The following ALG1 variants were observed in gnomAD, a reference collection of about 807,000 sequenced individuals.
ALG1 encodes ALG1 chitobiosyldiphosphodolichol beta-mannosyltransferase, also known as chitobiosyldiphosphodolichol beta-mannosyltransferase.
Under a neutral mutation model 55.1 loss-of-function variants are expected in ALG1, and 58 were observed. The ratio of observed to expected loss-of-function variants is 1.05; its 90% CI spans 0.85 to 1.31. The LOEUF (loss-of-function observed/expected upper bound fraction) is 1.31. ALG1 is among the 50% of genes most tolerant of loss of function. The pLI is 0.00. For missense variants in ALG1, 761 were observed against 598.6 expected (o/e 1.27, Z -2.83); for synonymous variants, 309 against 247.0 (o/e 1.25, Z -2.35).
Position 5,085,096 on chromosome 16 carries a change from C to T in ALG1, c.*215C>T, listed in dbSNP as rs1323954730. ...CTGGAGGCTTGGAAACGCTTCCTCT[C>T]TTCTTCTGTTCTTCACGCCCCATGC... On this transcript the variant is annotated 3_prime_UTR_variant, in exon 13 of 13. Coordinates refer to ENST00000262374, the MANE Select transcript of ALG1 (RefSeq NM_019109.5). 4 of 831,946 alleles carry T rather than the reference C, an allele frequency of 4.8e-6. No homozygotes were observed. Among genetic ancestry groups the T allele is most frequent in the Non-Finnish European group, 7.4e-6 (4 of 538,614 alleles). 51.5% of individuals were successfully genotyped at this position (831,946 alleles called of 1,614,324 possible).
intron 4 of ALG1, 40 bp downstream of exon 4, chr16:5,075,576 C>A: frequency 6.2e-7 from 1 of 1,611,890 alleles, no homozygotes; most frequent in Non-Finnish European, 8.5e-7. Context: ...GTCCCCTAAA[C>A]CACTCAAGGA....
chr16:5,081,191 T>C, intron 10 of ALG1, 135 bp downstream of exon 10: 1 of 1,123,842 alleles, frequency 8.9e-7, no homozygotes, highest in South Asian at 1.6e-5. Flanking sequence ...AGGAGGAGGC[T>C]ACTTCCTGGT....
intron 5 of ALG1, 47 bp downstream of exon 5, chr16:5,077,581 CT>C (rs1956936924): frequency 1.3e-6 from 2 of 1,574,436 alleles, no homozygotes; most frequent in Non-Finnish European, 8.7e-7. Context: ...CGCGGGGCCC[CT>C]GATTGGCTGC....
chr16:5,080,872 G>T, intron 9 of ALG1, 74 bp from the exon 10 acceptor site: 1 of 1,554,652 alleles, frequency 6.4e-7, no homozygotes, highest in Non-Finnish European at 8.8e-7. Flanking sequence ...TCCTAGGGGG[G>T]AGTGTCTTGG....
intron 10 of ALG1, among the ~76,000 whole-genome samples, chr16:5,082,191 C>T (rs376298825): frequency 5.3e-5 from 8 of 151,912 alleles, no homozygotes; most frequent in African/African-American, 1.9e-4. Flanking sequence ...GTGATCTGCC[C>T]GCCTTGGCCT....
chr16:5,073,504 T>A, intron 3 of ALG1: 1 of 556,110 alleles, frequency 1.8e-6, no homozygotes, highest in Non-Finnish European at 3.2e-6. Context: ...CATTTAGTCC[T>A]CACAGTTACC....
intron 10 of ALG1, 135 bp from the exon 11 acceptor site, chr16:5,082,424 G>A: frequency 3.2e-6 from 3 of 928,878 alleles, no homozygotes; most frequent in Non-Finnish European, 5.1e-6. Flanking sequence ...GCCAGCTTAA[G>A]CCACTTGTGT....
In ALG1 at chr16:5,087,247, T is replaced by C. The variant is rs188021034; in HGVS notation, c.*2366T>C. On this transcript the variant is annotated 3_prime_UTR_variant, in exon 13 of 13. Coordinates refer to ENST00000262374, the MANE Select transcript of ALG1 (RefSeq NM_019109.5). ...AAAAAATCACAAAAAAACCTCGTACTGTTTGAAGAAAGTTTACAGATTTGC... is the reference window on the plus strand; with the variant it reads ...AAAAAATCACAAAAAAACCTCGTACCGTTTGAAGAAAGTTTACAGATTTGC... 2 of 152,356 alleles carry C rather than the reference T, an allele frequency of 1.3e-5. No homozygotes were observed. The highest frequency in any genetic ancestry group is 4.8e-5 in the African/African-American group (2 of 41,580). The allele number at this position is 152,356 out of a possible 1,614,324, so 9.4% of individuals were successfully genotyped here.
rs200353530 is a variant in ALG1, at chr16:5,083,728, G to C, written c.1234G>C (p.Asp412His). The C allele has an allele frequency of 6.3e-7, 1 of 1,598,324 alleles. No individual in the cohort carries two copies. The highest frequency in any genetic ancestry group is 8.5e-7 in the Non-Finnish European group (1 of 1,179,784). The change falls in exon 12 of 13, where the codon GAC becomes CAC. Residue 412 changes from aspartate (D) to histidine (H), a missense_variant. Physicochemically the swap from Asp to His is moderately conservative, Grantham distance 81. Coordinates refer to ENST00000262374, the MANE Select transcript of ALG1 (RefSeq NM_019109.5). ...TGAAGAAAATGGCCTGGTCTTTGAG[G>C]ACTCAGAGGAACTGGCAGCTCAGCT... ...KHEENGLVFE[D>H]SEELAAQLQM...
In ALG1 at chr16:5,086,747, T is replaced by G. The variant is rs1477796784; in HGVS notation, c.*1866T>G. 1 of 152,250 alleles carries G rather than the reference T, an allele frequency of 6.6e-6. No homozygotes were observed. Among genetic ancestry groups the G allele is most frequent in the Non-Finnish European group, 1.5e-5 (1 of 68,060 alleles). 9.4% of individuals were successfully genotyped at this position (152,250 alleles called of 1,614,324 possible). ...GTGCAGTGGCACAATCTCAGCTCAC[T>G]GCAACGCCTCCCAGGTTCAAGTGAT... On this transcript the variant is annotated 3_prime_UTR_variant, in exon 13 of 13. Coordinates refer to ENST00000262374, the MANE Select transcript of ALG1 (RefSeq NM_019109.5).
chr16:5,071,857 C>T lies in ALG1; in HGVS notation c.8C>T (p.Ala3Val), dbSNP rs559805054. 2 of 1,604,622 alleles carry T rather than the reference C, an allele frequency of 1.2e-6. No homozygotes were observed. The highest frequency in any genetic ancestry group is 1.3e-5 in the African/African-American group (1 of 74,992). MA[A>V]SCLVLLALCL... ...TGCTGCGGGCCAGCCAAGATGGCGG[C>T]CTCATGCTTGGTCCTGCTGGCGCTG... Residue 3 changes from alanine (A) to valine (V), a missense_variant, in exon 1 of 13, where the codon GCC (alanine) becomes GTC (valine). Transcript: ENST00000262374.
rs1040920105 is a variant in ALG1, at chr16:5,075,539, G to C, written c.539+3G>C. On this transcript the variant is annotated splice_donor_region_variant and intron_variant, in intron 4 of 12. Coordinates refer to ENST00000262374, the MANE Select transcript of ALG1 (RefSeq NM_019109.5). ...CCCCTCGTTCTGCTGGCCAAGTGGT[G>C]AGAGTCTAGGAAGAGGGTAAAATAC... is the stretch of plus-strand genomic sequence containing the variant. 10 of 1,613,962 alleles carry C rather than the reference G, an allele frequency of 6.2e-6. No individual in the cohort carries two copies. In the African/African-American group the frequency reaches 1.2e-4, roughly 19 times the overall value.
chr16:5,074,275 A>G (rs751875603), intron 3 of ALG1, among the ~76,000 whole-genome samples: 1 of 151,664 alleles, frequency 6.6e-6, no homozygotes, highest in Non-Finnish European at 1.5e-5. Context: ...CCTCCTGAGT[A>G]GCTGGGATTA....
intron 4 of ALG1, 103 bp from the exon 5 acceptor site, chr16:5,077,342 T>C (rs1182980717): frequency 2.9e-6 from 3 of 1,027,246 alleles, no homozygotes; most frequent in Admixed American, 1.7e-5. Context: ...GCTCAAACTC[T>C]CCCAGCTCTG....
chr16:5,078,769 G>A lies in ALG1; in HGVS notation c.753G>A (p.Glu251=). The stretch of plus-strand genomic sequence containing the variant: ...TCTGCTCCTTCAGCTCAGAACCTGA[G>A]GACCCAGTCACGGAGCGGTCGGCCT... The part of the protein sequence containing the change: ...HSPFRARSEP[E]DPVTERSAFT... The change falls in exon 7 of 13, where the codon GAG becomes GAA. Residue 251 remains glutamate (E), a synonymous_variant. Coordinates refer to ENST00000262374, the MANE Select transcript of ALG1 (RefSeq NM_019109.5). 1 of 1,612,928 alleles carries A rather than the reference G, an allele frequency of 6.2e-7. No individual in the cohort carries two copies. Among genetic ancestry groups the A allele is most frequent in the Non-Finnish European group, 8.5e-7 (1 of 1,179,800 alleles).
At chr16:5,078,357 G>T in intron 6 of ALG1, 1 of 594,040 alleles carries the variant, frequency 1.7e-6, no homozygotes. Flanking sequence ...CAGGCCTGTG[G>T]CAGGATCTGT....
chr16:5,075,497 T>C lies in ALG1; in HGVS notation c.500T>C (p.Val167Ala), dbSNP rs1956894681. 6.2e-7 allele frequency: 1 copy of C among 1,614,184 alleles called. No individual in the cohort carries two copies. Among genetic ancestry groups the C allele is most frequent in the South Asian group, 1.1e-5 (1 of 91,088 alleles). ...TATGGCTACTCCATCATGGGTCTGG[T>C]GCATGGCCCCAACCATCCCCTCGTT... ...HNYGYSIMGL[V>A]HGPNHPLVLL... The change falls in exon 4 of 13, where the codon GTG becomes GCG. Residue 167 changes from valine to alanine, a missense_variant. Physicochemically the swap from Val to Ala is moderately conservative, Grantham distance 64. Transcript: ENST00000262374.
intron 12 of ALG1, chr16:5,084,394 T>C (rs1189865881): frequency 2.2e-6 from 1 of 454,158 alleles, no homozygotes; most frequent in Non-Finnish European, 4.1e-6. Context: ...TCAGACAGTT[T>C]AGCAAGGCTG....
chr16:5,071,879 G>T lies in ALG1; in HGVS notation c.30G>T (p.Ala10=), dbSNP rs1359506233. ...CGGCCTCATGCTTGGTCCTGCTGGC[G>T]CTGTGTCTGCTGCTGCCGCTGCTGC... The part of the protein sequence containing the change: MAASCLVLL[A]LCLLLPLLLL... The change falls in exon 1 of 13, where the codon GCG becomes GCT. Residue 10 remains alanine (A), a synonymous_variant. Coordinates refer to ENST00000262374, the MANE Select transcript of ALG1 (RefSeq NM_019109.5). 1.9e-6 allele frequency: 3 copies of T among 1,602,862 alleles called. No homozygotes were observed. The highest frequency in any genetic ancestry group is 2.5e-6 in the Non-Finnish European group (3 of 1,177,076).
Sources: allele counts gnomAD v4.1 joint callset (sites outside exome capture counted in the v4.1 genomes callset), GRCh38; gene constraint gnomAD v4.1.1; transcripts MANE v1.5; gene names NCBI Gene and HGNC (gene_info 2026-07-23, HGNC 2026-07-21).